The following KREMEN1 variants were observed in gnomAD, a reference collection of about 807,000 sequenced individuals.
KREMEN1 encodes the protein kremen protein 1.
Under a neutral mutation model 46.5 loss-of-function variants are expected in KREMEN1, and 30 were observed. The observed-to-expected ratio is 0.65, with a 90% CI of 0.48 to 0.88. The LOEUF is 0.88. Among genes scored for constraint, KREMEN1 ranks in the 40% least tolerant of loss-of-function variants. KREMEN1 has a pLI of 0.00. For missense variants in KREMEN1, 533 were observed against 596.9 expected (o/e 0.89, Z 1.11); for synonymous variants, 214 against 230.6 (o/e 0.93, Z 0.65).
At chr22:29,131,465 T>A (rs1246774746) in intron 5 of KREMEN1, among the ~76,000 whole-genome samples, 3 of 146,516 alleles carry the variant, frequency 2.0e-5, no homozygotes, top group Non-Finnish European at 4.4e-5. Flanking sequence ...TCTGCTCCTT[T>A]GTGGTCAGTT....
intron 9 of KREMEN1, among the ~76,000 whole-genome samples, chr22:29,163,430 T>C (rs1448384650): frequency 1.3e-5 from 2 of 152,106 alleles, no homozygotes; most frequent in Non-Finnish European, 2.9e-5. Context: ...CAGGCTGGAG[T>C]GCAGTGGCGC....
Position 29,121,417 on chromosome 22 carries a change from G to A in KREMEN1, c.413G>A (p.Ser138Asn). ...HGNPPPLTGT[S>N]KTSNKLTIQT... is the part of the protein sequence containing the mutation. ...AACCCACCTCCTCTAACTGGCACCA[G>A]TAAAACGTCCAACAAACTCACCATA... The change falls in exon 4 of 9, where the codon AGT becomes AAT. Residue 138 changes from serine (S) to asparagine (N), a missense_variant. Transcript: ENST00000400335. 1 of 1,614,096 alleles carries A rather than the reference G, an allele frequency of 6.2e-7. No homozygotes were observed. The highest frequency in any genetic ancestry group is 8.5e-7 in the Non-Finnish European group (1 of 1,179,984).
intron 3 of KREMEN1, among the ~76,000 whole-genome samples, chr22:29,105,871 G>A (rs762818649): frequency 9.2e-5 from 14 of 152,150 alleles, no homozygotes; most frequent in Non-Finnish European, 2.1e-4. Context: ...ATCTCAGCTG[G>A]TGACCTCACC....
At chr22:29,127,946 T>G (rs1276415502) in intron 5 of KREMEN1, among the ~76,000 whole-genome samples, 1 of 152,096 alleles carries the variant, frequency 6.6e-6, no homozygotes, top group Non-Finnish European at 1.5e-5. Context: ...TGGATGAACC[T>G]TGAAACCATT....
chr22:29,080,481 C>G (rs1195786317), intron 1 of KREMEN1, among the ~76,000 whole-genome samples: 1 of 151,986 alleles, frequency 6.6e-6, no homozygotes, highest in East Asian at 1.9e-4. Context: ...ATGGCCAATG[C>G]AGAGCTTCAC....
chr22:29,108,227 C>T (rs1227671563), intron 3 of KREMEN1, among the ~76,000 whole-genome samples: 4 of 152,222 alleles, frequency 2.6e-5, no homozygotes, highest in African/African-American at 9.7e-5. Context: ...GCGGAGGTTG[C>T]GGTAAGCCTA....
At chr22:29,133,692 A>G (rs1022880445) in intron 5 of KREMEN1, among the ~76,000 whole-genome samples, 6 of 150,532 alleles carry the variant, frequency 4.0e-5, no homozygotes, top group African/African-American at 1.5e-4. Flanking sequence ...TTTGTTTTTA[A>G]TTTTTTTGTT....
chr22:29,073,278 G>A lies in KREMEN1; in HGVS notation c.97+51G>A. The A allele has an allele frequency of 1.2e-6, 1 of 827,310 alleles. No individual in the cohort carries two copies. Among genetic ancestry groups the A allele is most frequent in the Non-Finnish European group, 1.6e-6 (1 of 638,210 alleles). The allele number at this position is 827,310 out of a possible 1,614,324, so 51.2% of individuals were successfully genotyped here. On this transcript the variant is annotated intron_variant, in intron 1 of 8. Coordinates refer to ENST00000400335, the MANE Select transcript of KREMEN1 (RefSeq NM_001039570.3). This position sits in a 1 kb window ranked among gnomAD's most constrained non-coding sequence, Gnocchi z 4.4. Reference sequence around the variant, plus strand: ...CCGCCCTGAGCGGAGCCCACTCGAGGGGCGACAAGGGCCGGCCGGCCTGAG... The same window carrying A: ...CCGCCCTGAGCGGAGCCCACTCGAGAGGCGACAAGGGCCGGCCGGCCTGAG...
intron 3 of KREMEN1, among the ~76,000 whole-genome samples, chr22:29,115,772 G>T (rs1392860782): frequency 6.6e-6 from 1 of 152,250 alleles, no homozygotes; most frequent in African/African-American, 2.4e-5. Context: ...GGGAAATGAT[G>T]TTCAGGCTGA....
intron 5 of KREMEN1, among the ~76,000 whole-genome samples, chr22:29,127,019 C>T (rs1011183820): frequency 6.6e-6 from 1 of 152,210 alleles, no homozygotes; most frequent in Non-Finnish European, 1.5e-5. Flanking sequence ...ATAAGATTCT[C>T]TGCCTTAACA....
Position 29,144,662 on chromosome 22 carries a change from AT to A in KREMEN1, c.*2551del, listed in dbSNP as rs2038824379. ...CCAACGGGTCCTGTGCTGTGAATAG[AT>A]CCATGTGCAGCACAAAGGGAATGTG... On this transcript the variant is annotated 3_prime_UTR_variant, in exon 9 of 9. Coordinates refer to ENST00000400335, the MANE Select transcript of KREMEN1 (RefSeq NM_001039570.3). The A allele has an allele frequency of 1.0e-6, 1 of 985,474 alleles. No homozygotes were observed. 61.0% of individuals were successfully genotyped at this position (985,474 alleles called of 1,614,324 possible). A position where few individuals can be genotyped will look rare whatever the true frequency, so the allele number is the denominator to read the frequency against.
At chr22:29,110,294 C>A (rs1206442765) in intron 3 of KREMEN1, among the ~76,000 whole-genome samples, 1 of 152,206 alleles carries the variant, frequency 6.6e-6, no homozygotes, top group Admixed American at 6.5e-5. Context: ...CGGTGGCTGG[C>A]TTCCAAGAGA....
chr22:29,117,394 T>C (rs561627520), intron 3 of KREMEN1, among the ~76,000 whole-genome samples: 131 of 152,198 alleles, frequency 8.6e-4, no homozygotes, highest in Middle Eastern at 3.4e-3. Flanking sequence ...GGTGAAACCC[T>C]GTCTGTACTA....
At chr22:29,093,014 T>G (rs1453268708) in intron 1 of KREMEN1, among the ~76,000 whole-genome samples, 3 of 152,136 alleles carry the variant, frequency 2.0e-5, no homozygotes, top group Non-Finnish European at 4.4e-5. Flanking sequence ...TAGGGTTTCT[T>G]GCATAGGTGG....
At chr22:29,104,488 A>T (rs139388942) in intron 3 of KREMEN1, among the ~76,000 whole-genome samples, 1 of 152,376 alleles carries the variant, frequency 6.6e-6, no homozygotes, top group African/African-American at 2.4e-5. Context: ...GCCCACAGGT[A>T]TCTGATGTCA....
At chr22:29,138,596 C>T (rs986785512) in intron 6 of KREMEN1, 28 bp from the exon 7 acceptor site, 18 of 1,604,092 alleles carry the variant, frequency 1.1e-5, no homozygotes, top group Non-Finnish European at 1.5e-5. Flanking sequence ...ATAGCCCTGT[C>T]CCCAGTTAAT....
rs2037520665 is a variant in KREMEN1 at position 29,073,916 on chromosome 22, G to T, written c.97+689G>T. On this transcript the variant is annotated intron_variant, in intron 1 of 8. Transcript: ENST00000400335. The surrounding 1 kb of genome is among the most constrained non-coding windows in gnomAD (Gnocchi z 4.4). ...ACTCCCCCGCTACAAGAGGCTATAC[G>T]CCCCTCTCCGAGACCTCCAGCGACA... 6.6e-6 allele frequency among the ~76,000 whole-genome samples: 1 copy of T among 151,842 alleles called. No homozygotes were observed. Among genetic ancestry groups the T allele is most frequent in the Admixed American group, 6.5e-5 (1 of 15,276 alleles).
In KREMEN1 at chr22:29,140,295, T is replaced by C; in HGVS notation, c.1137T>C (p.Tyr379=). ...PPQTVPGWTV[Y]GLATLLILTV... The stretch of plus-strand genomic sequence containing the variant: ...TTGCACTTGCAGGATGGACAGTCTA[T>C]GGTCTGGCAACTCTCCTCATCCTCA... The change falls in exon 8 of 9, where the codon TAT becomes TAC. Residue 379 remains tyrosine (Y), a synonymous_variant. Coordinates refer to ENST00000400335, the MANE Select transcript of KREMEN1 (RefSeq NM_001039570.3). 2 of 1,613,988 alleles carry C rather than the reference T, an allele frequency of 1.2e-6. No homozygotes were observed. The highest frequency in any genetic ancestry group is 1.7e-6 in the Non-Finnish European group (2 of 1,179,826).
chr22:29,154,418 A>T (rs2038943512), intron 9 of KREMEN1: 3 of 152,314 alleles, frequency 2.0e-5, no homozygotes, highest in Admixed American at 1.3e-4. Flanking sequence ...GCTTCAGGTA[A>T]GGGAACAAAT....
Sources: gnomAD v4.1 joint callset for allele counts (sites outside exome capture counted in the v4.1 genomes callset) on GRCh38, gnomAD v4.1.1 for gene constraint, Gnocchi (gnomAD v3.1) non-coding constraint, MANE v1.5 for transcripts, NCBI Gene and HGNC (gene_info 2026-07-23, HGNC 2026-07-21) for gene names.